The following PARG variants were observed in gnomAD, a reference collection of about 807,000 sequenced individuals.
PARG encodes the protein mitochondrial poly(ADP-ribose) glycohydrolase.
PARG carries 35 observed loss-of-function variants against 113.0 expected under a neutral mutation model. The ratio of observed to expected loss-of-function variants is 0.31; its 90% confidence interval spans 0.24 to 0.41. The LOEUF is 0.41. Among genes scored for constraint, PARG ranks in the 10% least tolerant of loss-of-function variants. The probability of loss-of-function intolerance (pLI) is 1.00; values close to 1 mark genes in which losing one functional copy is unlikely to be tolerated. For synonymous variants in PARG, 330 were observed against 409.9 expected, an observed-to-expected ratio of 0.81 and a Z score of 2.36; for missense variants, 797 against 1,169.4, an observed-to-expected ratio of 0.68 and a Z score of 4.64.
intron 7 of PARG, among the ~76,000 whole-genome samples, chr10:49,893,308 C>T (rs1176064176): frequency 7.9e-5 from 12 of 152,194 alleles, no homozygotes; most frequent in Non-Finnish European, 1.3e-4. Context: ...TGGCATTTCT[C>T]CAGTGACAAA....
intron 9 of PARG, among the ~76,000 whole-genome samples, chr10:49,878,022 C>T (rs2941135): frequency 1.4e-4 from 21 of 148,786 alleles, no homozygotes; most frequent in African/African-American, 3.6e-4. Context: ...ACACTACCTT[C>T]GCCAACTGAT....
chr10:49,889,827 C>G (rs1280268614), intron 7 of PARG, among the ~76,000 whole-genome samples: 1 of 152,174 alleles, frequency 6.6e-6, no homozygotes, highest in Non-Finnish European at 1.5e-5. Context: ...CACTGTACTT[C>G]TTCACAACTG....
chr10:49,887,313 C>A (rs1169792176), intron 7 of PARG, among the ~76,000 whole-genome samples: 14 of 152,170 alleles, frequency 9.2e-5, no homozygotes, highest in African/African-American at 3.4e-4. Context: ...ATTACTATAA[C>A]ATACTAAAAA....
At chr10:49,936,928 TTTGA>T (rs1838773957) in intron 1 of PARG, among the ~76,000 whole-genome samples, 1 of 152,224 alleles carries the variant, frequency 6.6e-6, no homozygotes, top group Non-Finnish European at 1.5e-5. Flanking sequence ...AGTAAAAATC[TTTGA>T]TTAATGTTTC....
intron 8 of PARG, among the ~76,000 whole-genome samples, chr10:49,880,154 A>G (rs145345466): frequency 0.015 from 2,329 of 152,344 alleles, 28 homozygotes; most frequent in Middle Eastern, 0.027. Flanking sequence ...AAATTAAAAC[A>G]AAAGATGAAA....
At chr10:49,898,278 T>C (rs1236281396) in intron 7 of PARG, among the ~76,000 whole-genome samples, 335 of 152,180 alleles carry the variant, frequency 2.2e-3, no homozygotes, top group African/African-American at 7.7e-3. Context: ...AAAGTATTAA[T>C]GTCTAATGGG....
chr10:49,905,932 G>C (rs548858754), intron 7 of PARG, among the ~76,000 whole-genome samples: 13 of 151,742 alleles, frequency 8.6e-5, no homozygotes, highest in African/African-American at 1.7e-4. Flanking sequence ...ACACAGACTG[G>C]GTTTGACTAG....
At chr10:49,936,968 C>CA (rs1193137262) in intron 1 of PARG, among the ~76,000 whole-genome samples, 1 of 152,132 alleles carries the variant, frequency 6.6e-6, no homozygotes, top group African/African-American at 2.4e-5. Flanking sequence ...GTTTCTATCA[C>CA]AAAAAAGTAA....
intron 14 of PARG, 151 bp downstream of exon 14, chr10:49,843,403 A>G: frequency 1.6e-6 from 1 of 639,092 alleles, no homozygotes. Context: ...AGTGTTTTCA[A>G]TGCCAATGAA....
chr10:49,887,347 A>G (rs1438690855), intron 7 of PARG, among the ~76,000 whole-genome samples: 1 of 152,212 alleles, frequency 6.6e-6, no homozygotes, highest in Non-Finnish European at 1.5e-5. Context: ...TACAATGTGT[A>G]TCATTCTATG....
At position 49,843,608 on chromosome 10, in the gene PARG, G is replaced by A; in HGVS notation, c.2378C>T (p.Thr793Ile). The A allele has an allele frequency of 1.3e-6, 2 of 1,550,436 alleles. No individual in the cohort carries two copies. Among genetic ancestry groups the A allele is most frequent in the Non-Finnish European group, 1.7e-6 (2 of 1,145,868 alleles). ...ITGTEQYSEY[T>I]GYAETYRWSR... The stretch of plus-strand genomic sequence containing the variant: ...CCAACGATATGTCTCAGCATAGCCT[G>A]TGTATTCACTGTACTGCTCAGTACC... The change falls in exon 14 of 18, where the codon ACA becomes ATA. Residue 793 changes from threonine to isoleucine, a missense_variant. Thr to Ile is a moderately conservative substitution (Grantham distance 89, BLOSUM62 -1). Coordinates refer to ENST00000616448, the MANE Select transcript of PARG (RefSeq NM_003631.5).
At chr10:49,837,541 AC>A (rs1426207293) in intron 15 of PARG, among the ~76,000 whole-genome samples, 1 of 151,974 alleles carries the variant, frequency 6.6e-6, no homozygotes, top group Non-Finnish European at 1.5e-5. Flanking sequence ...TTTATGTGAG[AC>A]TCCTGCTGCT....
intron 6 of PARG, among the ~76,000 whole-genome samples, chr10:49,920,843 T>C (rs1837831337): frequency 6.6e-6 from 1 of 152,014 alleles, no homozygotes; most frequent in South Asian, 2.1e-4. Context: ...CTGATACTTG[T>C]GTTCAAGACA....
chr10:49,849,404 A>C (rs1414876152), intron 13 of PARG, among the ~76,000 whole-genome samples: 1 of 150,696 alleles, frequency 6.6e-6, no homozygotes, highest in Non-Finnish European at 1.5e-5. Context: ...AAAACAACAC[A>C]TTAATAAGCT....
At chr10:49,835,779 A>G (rs1554830988) in intron 15 of PARG, among the ~76,000 whole-genome samples, 1 of 152,038 alleles carries the variant, frequency 6.6e-6, no homozygotes, top group Non-Finnish European at 1.5e-5. Flanking sequence ...TTTGGCTTCA[A>G]TATCAATTTT....
At chr10:49,858,923 G>A (rs1202188859) in intron 12 of PARG, among the ~76,000 whole-genome samples, 14 of 152,194 alleles carry the variant, frequency 9.2e-5, no homozygotes, top group Admixed American at 6.5e-4. Context: ...GATGAATAAG[G>A]TATGTATGGT....
At chr10:49,917,476 G>A (rs1377669111) in intron 6 of PARG, among the ~76,000 whole-genome samples, 74 of 113,452 alleles carry the variant, frequency 6.5e-4, no homozygotes, top group Middle Eastern at 8.8e-3. Context: ...GTGACAGAGC[G>A]AGACTCCGTC....
intron 6 of PARG, among the ~76,000 whole-genome samples, chr10:49,920,463 A>AAATAT (rs1431747248): frequency 3.1e-4 from 15 of 47,980 alleles, no homozygotes; most frequent in Non-Finnish European, 7.4e-4. Context: ...AAAAAAAAAA[A>AAATAT]ATATATATAT....
At chr10:49,899,529 T>G (rs1286139942) in intron 7 of PARG, among the ~76,000 whole-genome samples, 4 of 152,208 alleles carry the variant, frequency 2.6e-5, no homozygotes, top group Non-Finnish European at 4.4e-5. Flanking sequence ...TCAATAAAAA[T>G]GGTCTCCATT....
Sources: gnomAD v4.1 joint callset for allele counts (sites outside exome capture counted in the v4.1 genomes callset) on GRCh38, gnomAD v4.1.1 for gene constraint, MANE v1.5 for transcripts, NCBI Gene and HGNC (gene_info 2026-07-23, HGNC 2026-07-21) for gene names.